SORCS1: variants seen among roughly 807,000 people sequenced by gnomAD.
The protein encoded by SORCS1 is sortilin related VPS10 domain containing receptor 1.
SORCS1 carries 60 observed loss-of-function variants against 146.1 expected under a neutral mutation model. The ratio of observed to expected loss-of-function variants is 0.41; its 90% CI spans 0.33 to 0.51. The LOEUF (loss-of-function observed/expected upper bound fraction) is 0.51. SORCS1 is among the 20% of genes least tolerant of loss of function. The pLI is 0.21. For synonymous variants in SORCS1, 637 were observed against 584.0 expected (o/e 1.09, Z -1.31); for missense variants, 1,352 against 1,487.6 (o/e 0.91, Z 1.50).
intron 9 of SORCS1, among the ~76,000 whole-genome samples, chr10:106,691,134 G>T (rs1274149749): frequency 6.6e-6 from 1 of 152,122 alleles, no homozygotes; most frequent in South Asian, 2.1e-4. Flanking sequence ...GCATGTTTAT[G>T]TTTCTAGATA....
intron 3 of SORCS1, among the ~76,000 whole-genome samples, chr10:106,826,202 T>C (rs1427288786): frequency 6.6e-6 from 1 of 152,208 alleles, no homozygotes; most frequent in African/African-American, 2.4e-5. Context: ...GCTATAAGAA[T>C]GTGAAGGCAA....
chr10:106,823,585 A>C (rs1484672046), intron 3 of SORCS1, among the ~76,000 whole-genome samples: 3 of 152,224 alleles, frequency 2.0e-5, no homozygotes, highest in Non-Finnish European at 2.9e-5. Context: ...GGCACGTTAA[A>C]GAATACATAA....
intron 2 of SORCS1, 103 bp downstream of exon 2, chr10:106,956,410 A>AT: frequency 1.0e-6 from 1 of 978,966 alleles, no homozygotes; most frequent in Non-Finnish European, 1.6e-6. Context: ...CAAGCAGTGC[A>AT]TATCACCAGG....
intron 2 of SORCS1, among the ~76,000 whole-genome samples, chr10:106,881,983 T>C (rs893614489): frequency 3.3e-5 from 5 of 152,150 alleles, no homozygotes; most frequent in African/African-American, 1.2e-4. Context: ...TCTAAGTTAC[T>C]ACCTCTTTCA....
intron 2 of SORCS1, among the ~76,000 whole-genome samples, chr10:106,850,890 G>A (rs534907113): frequency 1.6e-4 from 25 of 152,264 alleles, no homozygotes; most frequent in African/African-American, 4.8e-4. Context: ...CTAGGCCTAG[G>A]AGTCTACCTA....
At chr10:106,815,724 C>T (rs1289479984) in intron 3 of SORCS1, among the ~76,000 whole-genome samples, 1 of 152,138 alleles carries the variant, frequency 6.6e-6, no homozygotes, top group Non-Finnish European at 1.5e-5. Context: ...GTATAATCTT[C>T]ACAAGTCTAT....
chr10:106,579,959 AATTAT>A (rs1844805885), intron 24 of SORCS1, among the ~76,000 whole-genome samples: 1 of 151,724 alleles, frequency 6.6e-6, no homozygotes, highest in Non-Finnish European at 1.5e-5. Flanking sequence ...ATAATATAAT[AATTAT>A]ATTTTATTAT....
At chr10:107,173,100 C>T in the SORCS1 span, among the ~76,000 whole-genome samples, 2 of 152,172 alleles carry the variant, frequency 1.3e-5, no homozygotes, top group African/African-American at 4.8e-5. Flanking sequence ...TCTCAGTCAA[C>T]AATACCTATG....
chr10:106,951,250 G>A (rs760647857), intron 2 of SORCS1, among the ~76,000 whole-genome samples: 4 of 152,162 alleles, frequency 2.6e-5, no homozygotes, highest in East Asian at 1.9e-4. Context: ...GGTGGTTAAC[G>A]CCTGTAATCC....
At chr10:106,688,403 T>A (rs1853035018) in intron 9 of SORCS1, 65 bp from the exon 10 acceptor site, 1 of 1,555,960 alleles carries the variant, frequency 6.4e-7, no homozygotes, top group Non-Finnish European at 8.7e-7. Context: ...GTTTACTTTT[T>A]AAAAAAAGAA....
intron 1 of SORCS1, among the ~76,000 whole-genome samples, chr10:107,127,935 C>G (rs896340061): frequency 5.9e-5 from 9 of 152,184 alleles, no homozygotes; most frequent in Non-Finnish European, 1.2e-4. Flanking sequence ...CTTGGAACCT[C>G]AGATTCTTCA....
intron 3 of SORCS1, among the ~76,000 whole-genome samples, chr10:106,815,085 G>A (rs1564691810): frequency 1.3e-5 from 2 of 151,712 alleles, no homozygotes; most frequent in Admixed American, 6.6e-5. Flanking sequence ...TCAGCCTCCC[G>A]AGTAGCTGGG....
At chr10:107,003,568 C>A (rs1957310035) in intron 1 of SORCS1, among the ~76,000 whole-genome samples, 1 of 151,746 alleles carries the variant, frequency 6.6e-6, no homozygotes, top group African/African-American at 2.4e-5. Flanking sequence ...GGATCTAATG[C>A]ATTCTTAGTG....
At chr10:106,956,279 C>G (rs1954938187) in intron 2 of SORCS1, among the ~76,000 whole-genome samples, 1 of 152,190 alleles carries the variant, frequency 6.6e-6, no homozygotes, top group African/African-American at 2.4e-5. Flanking sequence ...ACCTATCATA[C>G]AGGTTAGCAA....
In SORCS1 at chr10:106,671,152, C is replaced by T. The variant is rs559019104; in HGVS notation, c.2189+85G>A. The T allele has an allele frequency of 3.2e-6, 5 of 1,573,428 alleles. No homozygotes were observed. In the East Asian group the frequency reaches 9.0e-5, roughly 28 times the overall value. ...TGGCCACTTAGCCCTATGTATGTTA[C>T]TATTATTTCAATTCTAAGCTTTCAT... On this transcript the variant is annotated intron_variant, in intron 16 of 25. Transcript: ENST00000263054.
intron 18 of SORCS1, among the ~76,000 whole-genome samples, chr10:106,630,124 G>C (rs1167886978): frequency 6.6e-6 from 1 of 152,030 alleles, no homozygotes; most frequent in Non-Finnish European, 1.5e-5. Flanking sequence ...TCCACTTCCT[G>C]TGTCTTCAAG....
chr10:107,050,747 A>G (rs1178099909), intron 1 of SORCS1, among the ~76,000 whole-genome samples: 3 of 152,110 alleles, frequency 2.0e-5, no homozygotes, highest in African/African-American at 7.2e-5. Context: ...TCTTTTTAGA[A>G]CCAAAAGTAT....
intron 1 of SORCS1, among the ~76,000 whole-genome samples, chr10:107,139,025 C>T (rs1365740643): frequency 6.6e-6 from 1 of 152,168 alleles, no homozygotes; most frequent in Admixed American, 6.5e-5. Context: ...TAAACAAAAT[C>T]CATCTCCCCT....
intron 17 of SORCS1, among the ~76,000 whole-genome samples, chr10:106,661,754 T>A (rs539588998): frequency 6.6e-6 from 1 of 152,336 alleles, no homozygotes; most frequent in East Asian, 1.9e-4. Context: ...GAGGTTAGAT[T>A]GAACATCCTT....
Sources: allele counts gnomAD v4.1 joint callset (sites outside exome capture counted in the v4.1 genomes callset), GRCh38; gene constraint gnomAD v4.1.1; transcripts MANE v1.5; gene names NCBI Gene and HGNC (gene_info 2026-07-23, HGNC 2026-07-21).